Variants in BPIFC observed in about 807,000 individuals in gnomAD.
The protein encoded by BPIFC is BPI fold-containing family C protein.
Under a neutral mutation model 57.6 loss-of-function variants are expected in BPIFC, and 60 were observed. That is an observed-to-expected ratio of 1.04 (90% CI 0.85 to 1.29). BPIFC has a LOEUF of 1.29. Ranked by LOEUF, BPIFC falls within the 50% of genes most tolerant of loss-of-function variation. The probability of loss-of-function intolerance (pLI) is 0.00; values close to 1 mark genes in which losing one functional copy is unlikely to be tolerated. For missense variants in BPIFC, 581 were observed against 600.5 expected, an observed-to-expected ratio of 0.97 and a Z score of 0.34; for synonymous variants, 243 against 224.5, an observed-to-expected ratio of 1.08 and a Z score of -0.74.
chr22:32,433,177 T>G (rs1419663150), intron 11 of BPIFC, among the ~76,000 whole-genome samples: 1 of 152,220 alleles, frequency 6.6e-6, no homozygotes, highest in African/African-American at 2.4e-5. Context: ...CACTCCAGCC[T>G]GGATGACAGA....
chr22:32,461,909 C>T (rs1305625555), intron 1 of BPIFC, among the ~76,000 whole-genome samples: 1 of 152,018 alleles, frequency 6.6e-6, no homozygotes. Flanking sequence ...CGTGGTGGCT[C>T]ACGCCTATAA....
In BPIFC at chr22:32,445,923, C is replaced by A; in HGVS notation, c.448G>T (p.Asp150Tyr). 1 of 1,614,034 alleles carries A rather than the reference C, an allele frequency of 6.2e-7. No homozygotes were observed. Reference sequence around the variant, plus strand: ...AGCTTCAGGGTAGGATGACCAAAGTCATTTCGGGTTAGGATAATGATACCG... The same window carrying A: ...AGCTTCAGGGTAGGATGACCAAAGTAATTTCGGGTTAGGATAATGATACCG... ...FTGIIILTRN[D>Y]FGHPTLKLQD... Residue 150 changes from aspartate (D) to tyrosine (Y), a missense_variant, in exon 6 of 17, where the codon GAC becomes TAC. Transcript: ENST00000300399.
chr22:32,417,725 G>A (rs1933723190), intron 14 of BPIFC, among the ~76,000 whole-genome samples: 1 of 152,154 alleles, frequency 6.6e-6, no homozygotes, highest in African/African-American at 2.4e-5. Flanking sequence ...TATCTACCAA[G>A]ACAGTCAAGA....
At chr22:32,436,163 G>A (rs745988297) in intron 9 of BPIFC, among the ~76,000 whole-genome samples, 13 of 152,144 alleles carry the variant, frequency 8.5e-5, no homozygotes, top group Middle Eastern at 3.4e-3. Flanking sequence ...GTGTGGTGGC[G>A]CGTACCTGTA....
intron 4 of BPIFC, among the ~76,000 whole-genome samples, chr22:32,447,940 T>C (rs1305262176): frequency 6.6e-6 from 1 of 152,052 alleles, no homozygotes; most frequent in Non-Finnish European, 1.5e-5. Flanking sequence ...TCAAACAATC[T>C]ACTTGTTTAG....
intron 16 of BPIFC, among the ~76,000 whole-genome samples, chr22:32,414,644 G>T (rs1030884409): frequency 5.3e-5 from 8 of 152,090 alleles, no homozygotes; most frequent in Non-Finnish European, 1.0e-4. Flanking sequence ...CTCCCAAGCA[G>T]CTGGGACTAC....
At chr22:32,424,280 T>G (rs1201293778) in intron 13 of BPIFC, among the ~76,000 whole-genome samples, 1 of 152,224 alleles carries the variant, frequency 6.6e-6, no homozygotes, top group Non-Finnish European at 1.5e-5. Context: ...CTCCAGAGAC[T>G]GTGCTCTTAA....
intron 9 of BPIFC, 141 bp from the exon 10 acceptor site, chr22:32,436,021 AC>A: frequency 4.6e-6 from 4 of 869,978 alleles, no homozygotes; most frequent in Non-Finnish European, 5.1e-6. Flanking sequence ...TATAATCCCA[AC>A]ACTTTGGGAG....
intron 4 of BPIFC, among the ~76,000 whole-genome samples, chr22:32,448,237 T>G (rs769342106): frequency 6.6e-6 from 1 of 151,886 alleles, no homozygotes; most frequent in Non-Finnish European, 1.5e-5. Context: ...CCTGGATAAT[T>G]TTTTGTATTT....
chr22:32,455,931 T>G (rs553108487), intron 3 of BPIFC, among the ~76,000 whole-genome samples: 1 of 152,234 alleles, frequency 6.6e-6, no homozygotes, highest in Admixed American at 6.5e-5. Context: ...GGTGGGATTA[T>G]AGCCCATGGA....
intron 7 of BPIFC, among the ~76,000 whole-genome samples, chr22:32,444,133 CAT>C (rs1466005089): frequency 2.7e-4 from 41 of 152,192 alleles, no homozygotes; most frequent in Non-Finnish European, 7.3e-5. Context: ...GCTTCTGTGA[CAT>C]AACTCATTCT....
chr22:32,428,276 CGTGTGTGTGT>C (rs56020393), intron 13 of BPIFC, among the ~76,000 whole-genome samples: 2 of 146,578 alleles, frequency 1.4e-5, no homozygotes, highest in Non-Finnish European at 3.0e-5. Flanking sequence ...TGTGCGCGCG[CGTGTGTGTGT>C]GTGTGTGTGC....
intron 4 of BPIFC, among the ~76,000 whole-genome samples, chr22:32,452,770 A>T (rs555733936): frequency 1.3e-5 from 2 of 152,346 alleles, no homozygotes; most frequent in East Asian, 1.9e-4. Context: ...ATCTTTAACA[A>T]TTGGGGCAAA....
intron 12 of BPIFC, 146 bp downstream of exon 12, chr22:32,432,227 T>A: frequency 1.2e-6 from 1 of 855,096 alleles, no homozygotes; most frequent in South Asian, 2.1e-5. Flanking sequence ...ATTATAGGCA[T>A]GAGCCATCAC....
chr22:32,449,770 T>C (rs1217530648), intron 4 of BPIFC, among the ~76,000 whole-genome samples: 1 of 151,590 alleles, frequency 6.6e-6, no homozygotes, highest in Non-Finnish European at 1.5e-5. Flanking sequence ...AGTTTCACTC[T>C]GTCGCCCGGG....
At chr22:32,448,686 T>C (rs1024251177) in intron 4 of BPIFC, among the ~76,000 whole-genome samples, 2 of 151,876 alleles carry the variant, frequency 1.3e-5, no homozygotes, top group African/African-American at 2.4e-5. Context: ...ACGCCTGTAA[T>C]CCCAGCACTT....
intron 7 of BPIFC, among the ~76,000 whole-genome samples, chr22:32,444,681 C>A (rs1174772458): frequency 6.6e-6 from 1 of 152,222 alleles, no homozygotes; most frequent in Non-Finnish European, 1.5e-5. Context: ...ATTTTCTTAA[C>A]TTATTCCTAT....
chr22:32,424,997 G>A (rs933687274), intron 13 of BPIFC, among the ~76,000 whole-genome samples: 4 of 151,918 alleles, frequency 2.6e-5, no homozygotes, highest in Non-Finnish European at 5.9e-5. Flanking sequence ...GGCCAGGCTG[G>A]TCTCGAACTC....
rs766182794 is a variant in BPIFC, at chr22:32,435,759, G to T, written c.869C>A (p.Ala290Glu). Residue 290 changes from alanine (A) to glutamate (E), a missense_variant, in exon 10 of 17, where the codon GCG becomes GAG. Coordinates refer to ENST00000300399, the MANE Select transcript of BPIFC (RefSeq NM_174932.3). ...CCCAGCTGTGAAATGAGCAAAGGAC[G>T]CAGATTTAAAGAAATACTCGGCGAT... ...IGIAEYFFKS[A>E]SFAHFTAGVF... 1 of 1,614,036 alleles carries T rather than the reference G, an allele frequency of 6.2e-7. No individual in the cohort carries two copies. Among genetic ancestry groups the T allele is most frequent in the African/African-American group, 1.3e-5 (1 of 74,926 alleles).
Sources: allele counts gnomAD v4.1 joint callset (sites outside exome capture counted in the v4.1 genomes callset), GRCh38; gene constraint gnomAD v4.1.1; transcripts MANE v1.5; gene names NCBI Gene and HGNC (gene_info 2026-07-23, HGNC 2026-07-21).